The following PALLD variants were observed in gnomAD, a reference collection of about 807,000 sequenced individuals.
PALLD encodes palladin, cytoskeletal associated protein.
A neutral mutation model predicts 123.5 loss-of-function variants in PALLD; 61 were observed. That is an observed-to-expected ratio of 0.49 (90% CI 0.40 to 0.61). The LOEUF (loss-of-function observed/expected upper bound fraction) is 0.61. Among genes scored for constraint, PALLD ranks in the 20% least tolerant of loss-of-function variants. The pLI, the probability that PALLD is intolerant of heterozygous loss-of-function variation, is 0.00. For missense variants in PALLD, 1,273 were observed against 1,377.0 expected (o/e 0.92, Z 1.20); for synonymous variants, 465 against 496.4 (o/e 0.94, Z 0.84).
Position 168,873,131 on chromosome 4 carries a change from T to C in PALLD, c.1965-17791T>C, listed in dbSNP as rs190958406. On this transcript the variant is annotated intron_variant, in intron 10 of 21. Coordinates refer to ENST00000505667, the MANE Select transcript of PALLD (RefSeq NM_001166108.2). The stretch of plus-strand genomic sequence containing the variant: ...CCCTCCTAGTATAGGAATGTCCTAC[T>C]GAATATGCCTGATGAACCCAATGGG... Among the ~76,000 whole-genome samples the C allele has an allele frequency of 3.3e-5, 5 of 152,346 alleles. No individual in the cohort carries two copies. The South Asian group carries it at 8.3e-4, about 25-fold the overall frequency.
At chr4:168,669,869 C>G (rs947948888) in intron 3 of PALLD, among the ~76,000 whole-genome samples, 2 of 151,826 alleles carry the variant, frequency 1.3e-5, no homozygotes, top group African/African-American at 4.8e-5. Flanking sequence ...ATTAGTGTTC[C>G]TTTTTTATAA....
intron 9 of PALLD, among the ~76,000 whole-genome samples, chr4:168,709,608 G>A (rs112913886): frequency 1.0e-4 from 1 of 9,964 alleles, no homozygotes; most frequent in African/African-American, 2.3e-4. Flanking sequence ...GGGAGGGAGG[G>A]AGGGAAGGAA....
intron 2 of PALLD, among the ~76,000 whole-genome samples, chr4:168,513,456 A>G (rs1762715079): frequency 6.6e-6 from 1 of 152,230 alleles, no homozygotes; most frequent in Non-Finnish European, 1.5e-5. Flanking sequence ...TTAAGGGGAA[A>G]GAGATCCTGG....
rs58963879 is a variant in PALLD, at chr4:168,810,710, A to C, written c.1965-80212A>C. Among the ~76,000 whole-genome samples the C allele has an allele frequency of 3.0e-3, 446 of 151,180 alleles. 1 individual carries two copies. The highest frequency in any genetic ancestry group is 0.01 in the African/African-American group (424 of 41,092). ...GTAGTCCCAGCTACTCGGGAGGCTG[A>C]GGCAGGAGAATGGCGTGAACCCGGG... On this transcript the variant is annotated intron_variant, in intron 10 of 21. Transcript: ENST00000505667.
intron 10 of PALLD, among the ~76,000 whole-genome samples, chr4:168,762,113 T>C (rs1462032425): frequency 6.6e-6 from 1 of 152,124 alleles, no homozygotes; most frequent in Non-Finnish European, 1.5e-5. Flanking sequence ...TTATTTTAAA[T>C]TGCTTCATGT....
chr4:168,528,894 G>A (rs971922871), intron 2 of PALLD, among the ~76,000 whole-genome samples: 2 of 152,040 alleles, frequency 1.3e-5, no homozygotes, highest in African/African-American at 4.8e-5. Context: ...AAACTCTAAT[G>A]AGAACAAAGA....
chr4:168,898,232 A>G (rs901578177), intron 13 of PALLD: 34 of 503,150 alleles, frequency 6.8e-5, no homozygotes, highest in Non-Finnish European at 1.1e-4. Context: ...CCCTCGCCTC[A>G]GAGAAAAGAA....
intron 2 of PALLD, among the ~76,000 whole-genome samples, chr4:168,602,714 C>A (rs1772792088): frequency 1.3e-5 from 2 of 152,100 alleles, no homozygotes; most frequent in Admixed American, 1.3e-4. Context: ...CACAGAACTG[C>A]AGAAAAACAT....
At chr4:168,775,444 A>G (rs1735049153) in intron 10 of PALLD, among the ~76,000 whole-genome samples, 1 of 152,164 alleles carries the variant, frequency 6.6e-6, no homozygotes, top group African/African-American at 2.4e-5. Context: ...TTCTAGATAC[A>G]AGTTCTTTAT....
chr4:168,802,587 G>A (rs1318700205), intron 10 of PALLD, among the ~76,000 whole-genome samples: 5 of 152,174 alleles, frequency 3.3e-5, no homozygotes, highest in Non-Finnish European at 7.3e-5. Flanking sequence ...TTGGTGCGGG[G>A]AGGACATGGG....
intron 2 of PALLD, among the ~76,000 whole-genome samples, chr4:168,639,544 CTTT>C (rs35142519): frequency 5.0e-5 from 7 of 141,132 alleles, no homozygotes; most frequent in Admixed American, 7.1e-5. Context: ...GGCCATTCAA[CTTT>C]TTTTTTTTTT....
At position 168,644,411 on chromosome 4, in the gene PALLD, T is replaced by C. The variant is rs113229282; in HGVS notation, c.909-23779T>C. Among the ~76,000 whole-genome samples the C allele has an allele frequency of 1.3e-3, 196 of 152,184 alleles. 1 individual carries two copies. The highest frequency in any genetic ancestry group is 2.2e-3 in the Non-Finnish European group (150 of 67,988). ...GCCGGATGTTGATATCTTTCAAACA[T>C]TTATTGAGCACTGACCTTGTCCCAA... is the stretch of plus-strand genomic sequence containing the variant. On this transcript the variant is annotated intron_variant, in intron 2 of 21. Coordinates refer to ENST00000505667, the MANE Select transcript of PALLD (RefSeq NM_001166108.2).
chr4:168,696,677 T>A, intron 8 of PALLD, among the ~76,000 whole-genome samples: 2 of 143,344 alleles, frequency 1.4e-5, no homozygotes, highest in Non-Finnish European at 3.0e-5. Context: ...GAAATAAAAA[T>A]GAAAAGCTAG....
intron 8 of PALLD, chr4:168,700,980 C>T (rs1581038212): frequency 6.6e-6 from 1 of 152,126 alleles, no homozygotes; most frequent in South Asian, 2.1e-4. Context: ...CAGAGCAAGA[C>T]CCTACCTTTA....
intron 2 of PALLD, among the ~76,000 whole-genome samples, chr4:168,571,942 C>T (rs1769031364): frequency 1.3e-5 from 2 of 152,032 alleles, no homozygotes; most frequent in Non-Finnish European, 2.9e-5. Context: ...TTTATCAGTG[C>T]CAGGCCGGGC....
chr4:168,845,797 G>T (rs561172224), intron 10 of PALLD, among the ~76,000 whole-genome samples: 139 of 152,324 alleles, frequency 9.1e-4, no homozygotes, highest in African/African-American at 3.0e-3. Context: ...AAGTACCAGT[G>T]GGAAGTAAAG....
intron 10 of PALLD, among the ~76,000 whole-genome samples, chr4:168,886,537 G>C (rs1753356635): frequency 6.6e-6 from 1 of 152,118 alleles, no homozygotes; most frequent in South Asian, 2.1e-4. Context: ...GCTACTTGGA[G>C]GATGACTCAG....
At chr4:168,768,730 T>TGAGCCGA (rs771917200) in intron 10 of PALLD, among the ~76,000 whole-genome samples, 24 of 152,182 alleles carry the variant, frequency 1.6e-4, no homozygotes, top group Non-Finnish European at 3.5e-4. Flanking sequence ...TGGAGTGCAG[T>TGAGCCGA]GATGCCATCT....
At chr4:168,703,948 C>T (rs937534837) in intron 8 of PALLD, among the ~76,000 whole-genome samples, 1 of 152,044 alleles carries the variant, frequency 6.6e-6, no homozygotes, top group African/African-American at 2.4e-5. Flanking sequence ...CTTTTGTTGC[C>T]ATTGCTTTTG....
Sources: allele counts gnomAD v4.1 joint callset (sites outside exome capture counted in the v4.1 genomes callset), GRCh38; gene constraint gnomAD v4.1.1; transcripts MANE v1.5; gene names NCBI Gene and HGNC (gene_info 2026-07-23, HGNC 2026-07-21).